ABR: variants seen among roughly 807,000 people sequenced by gnomAD.
ABR encodes ABR activator of RhoGEF and GTPase.
ABR carries 35 observed loss-of-function variants against 107.2 expected under a neutral mutation model. The ratio of observed to expected loss-of-function variants is 0.33; its 90% CI spans 0.25 to 0.43. ABR has a LOEUF of 0.43. Among genes scored for constraint, ABR ranks in the 20% least tolerant of loss-of-function variants. The probability of loss-of-function intolerance (pLI) is 1.00; values close to 1 mark genes in which losing one functional copy is unlikely to be tolerated. For synonymous variants in ABR, 498 were observed against 462.0 expected (o/e 1.08, Z -1.00); for missense variants, 815 against 1,115.2 (o/e 0.73, Z 3.83).
Position 1,116,912 on chromosome 17 carries a change from G to C in ABR, c.246+8271C>G, listed in dbSNP as rs2039015962. ...TGCTGGGGGGCGGAGGCTGAAACTC[G>C]AGGAGTCCCTGAACCACACAACCCA... On this transcript the variant is annotated intron_variant, in intron 2 of 22. Coordinates refer to ENST00000302538, the MANE Select transcript of ABR (RefSeq NM_021962.5). Among the ~76,000 whole-genome samples, 4 of 152,266 alleles carry C rather than the reference G, an allele frequency of 2.6e-5. No homozygotes were observed. The South Asian group carries it at 8.3e-4, about 32-fold the overall frequency.
intron 16 of ABR, among the ~76,000 whole-genome samples, chr17:1,026,427 A>G (rs945119745): frequency 6.6e-6 from 1 of 152,204 alleles, no homozygotes; most frequent in Non-Finnish European, 1.5e-5. Flanking sequence ...CATCGGTACC[A>G]GCCCCGGCTG....
chr17:1,160,251 C>T (rs1391127565), intron 1 of ABR, among the ~76,000 whole-genome samples: 1 of 148,870 alleles, frequency 6.7e-6, no homozygotes, highest in Non-Finnish European at 1.5e-5. Flanking sequence ...AAGACTCTGT[C>T]TCAAAAACAA....
chr17:1,025,553 C>T (rs565244047), intron 16 of ABR, among the ~76,000 whole-genome samples: 3 of 152,206 alleles, frequency 2.0e-5, no homozygotes, highest in Admixed American at 6.5e-5. Flanking sequence ...CCCCACGTAA[C>T]GCCCCACACT....
At chr17:1,229,394 G>C (rs1222884510) in exon 1 of ABR, among the ~76,000 whole-genome samples, 4 of 145,028 alleles carry the variant, frequency 2.8e-5, no homozygotes, top group Non-Finnish European at 6.0e-5. Context: ...ACTCGGCCTC[G>C]GGGTCGGGGC....
chr17:1,138,068 AT>A (rs773606371), intron 1 of ABR, among the ~76,000 whole-genome samples: 615 of 140,434 alleles, frequency 4.4e-3, no homozygotes, highest in Admixed American at 3.7e-3. Flanking sequence ...CACCCGGCTA[AT>A]TTTTTTTTTT....
upstream of ABR, among the ~76,000 whole-genome samples, chr17:1,191,046 C>T (rs2042420187): frequency 6.6e-6 from 1 of 152,218 alleles, no homozygotes; most frequent in African/African-American, 2.4e-5. Context: ...ATGGTAACCA[C>T]CACGCCGGCC....
rs1318020920 is a variant in ABR at position 1,007,179 on chromosome 17, C to T, written c.2476G>A (p.Asp826Asn). 1 of 1,613,638 alleles carries T rather than the reference C, an allele frequency of 6.2e-7. No homozygotes were observed. Among genetic ancestry groups the T allele is most frequent in the Non-Finnish European group, 8.5e-7 (1 of 1,179,924 alleles). The change falls in exon 22 of 23, where the codon GAC becomes AAC. Residue 826 changes from aspartate (D) to asparagine (N), a missense_variant. By Grantham distance (23) the Asp-to-Asn change is conservative. Around this residue, in one of 5 missense-constraint regions of ABR, gnomAD observed 175 missense variants for 284.3 expected, o/e 0.62. Coordinates refer to ENST00000302538, the MANE Select transcript of ABR (RefSeq NM_021962.5). Reference sequence around the variant, plus strand: ...TGCCAGGGTACCTGCGCCATGACGTCATGGGACCAGATGTCCGCAGCCGAG... The same window carrying T: ...TGCCAGGGTACCTGCGCCATGACGTTATGGGACCAGATGTCCGCAGCCGAG... The part of the protein sequence containing the change: ...LTSAADIWSH[D>N]VMAQVQVLLY...
At chr17:1,089,886 C>G (rs998124531) in intron 4 of ABR, among the ~76,000 whole-genome samples, 1 of 152,152 alleles carries the variant, frequency 6.6e-6, no homozygotes, top group Non-Finnish European at 1.5e-5. Flanking sequence ...CTTGAACCCG[C>G]GAGGAGGAGG....
chr17:1,025,075 T>C (rs1163973403), intron 16 of ABR, among the ~76,000 whole-genome samples: 2 of 111,588 alleles, frequency 1.8e-5, no homozygotes, highest in East Asian at 2.6e-4. Context: ...TGAGCCAAGA[T>C]TGCGCCACTG....
At chr17:1,219,197 C>T (rs1293317546) in intron 1 of ABR, among the ~76,000 whole-genome samples, 1 of 152,028 alleles carries the variant, frequency 6.6e-6, no homozygotes, top group African/African-American at 2.4e-5. Context: ...TGCCTGCCAC[C>T]ACGCCTGGAT....
At chr17:1,044,583 A>G (rs2440037) in intron 16 of ABR, among the ~76,000 whole-genome samples, 54,868 of 151,082 alleles carry the variant, frequency 0.36, 10,509 homozygotes, top group East Asian at 0.65. Flanking sequence ...CCTGGGAGGC[A>G]GAGGTTGCAG....
chr17:1,204,696 T>C (rs920940923), intron 1 of ABR, among the ~76,000 whole-genome samples: 3 of 152,150 alleles, frequency 2.0e-5, no homozygotes, highest in African/African-American at 7.2e-5. Flanking sequence ...GTCTATATCA[T>C]ATATCATATC....
Position 1,091,784 on chromosome 17 carries a change from T to C in ABR, c.412A>G (p.Thr138Ala), listed in dbSNP as rs1404889196. The C allele has an allele frequency of 6.2e-7, 1 of 1,614,106 alleles. No individual in the cohort carries two copies. Among genetic ancestry groups the C allele is most frequent in the Non-Finnish European group, 8.5e-7 (1 of 1,179,994 alleles). Reference sequence around the variant, plus strand: ...ATGTCCTGGATCTTGTAGAAGATGGTCTCGATCTGCTGGATGGTGAGCACG... The same window carrying C: ...ATGTCCTGGATCTTGTAGAAGATGGCCTCGATCTGCTGGATGGTGAGCACG... ...QPVLTIQQIE[T>A]IFYKIQDIYE... Residue 138 changes from threonine to alanine, a missense_variant, in exon 4 of 23, where the codon ACC becomes GCC. This residue lies in a region of ABR where 385 missense variants were observed against 596.9 expected (regional missense o/e 0.64). Coordinates refer to ENST00000302538, the MANE Select transcript of ABR (RefSeq NM_021962.5).
intron 14 of ABR, among the ~76,000 whole-genome samples, chr17:1,054,092 AG>A (rs1352446299): frequency 6.6e-6 from 1 of 152,202 alleles, no homozygotes; most frequent in Non-Finnish European, 1.5e-5. Flanking sequence ...GTGTGACTCC[AG>A]GAAGGAACCT....
chr17:1,102,872 A>G (rs1175362381), intron 2 of ABR, among the ~76,000 whole-genome samples: 1 of 151,642 alleles, frequency 6.6e-6, no homozygotes, highest in Non-Finnish European at 1.5e-5. Context: ...CATCACACCC[A>G]CTAATTTTTG....
intron 1 of ABR, among the ~76,000 whole-genome samples, chr17:1,144,571 G>A (rs182668586): frequency 4.1e-5 from 6 of 148,088 alleles, no homozygotes; most frequent in South Asian, 2.2e-4. Context: ...AAACAATAAC[G>A]CGTTCAGTCA....
intron 10 of ABR, 100 bp downstream of exon 10, chr17:1,066,977 G>T (rs943920340): frequency 3.1e-6 from 4 of 1,286,778 alleles, no homozygotes; most frequent in East Asian, 2.5e-5. Context: ...CACACTCAAG[G>T]CTCCCTCTCA....
chr17:1,226,450 ATG>A (rs1264187702), intron 1 of ABR, among the ~76,000 whole-genome samples: 2 of 144,444 alleles, frequency 1.4e-5, no homozygotes, highest in Admixed American at 6.9e-5. Context: ...GCAGGTGTGT[ATG>A]TGTGTGCATG....
Position 1,110,717 on chromosome 17 carries a change from T to C in ABR, c.247-9982A>G, listed in dbSNP as rs3813438. On this transcript the variant is annotated intron_variant, in intron 2 of 22. Transcript: ENST00000302538. ...CTCCCTGGAGAGAGGCTCCATCCTG[T>C]TGCAGAGCTGAAATACAGAGCAGGG... 4.5e-3 allele frequency among the ~76,000 whole-genome samples: 685 copies of C among 152,302 alleles called. 33 individuals are homozygous for C. The East Asian group carries it at 0.11, about 24-fold the overall frequency.
Sources: gnomAD v4.1 joint callset for allele counts (sites outside exome capture counted in the v4.1 genomes callset) on GRCh38, gnomAD v4.1.1 for gene constraint, gnomAD v4.1.1 regional missense constraint, MANE v1.5 for transcripts, NCBI Gene and HGNC (gene_info 2026-07-23, HGNC 2026-07-21) for gene names.